B9D2: variants seen among roughly 807,000 people sequenced by gnomAD.
B9D2 encodes B9 domain-containing protein 2.
A neutral mutation model predicts 19.2 loss-of-function variants in B9D2; 21 were observed. That is an observed-to-expected ratio of 1.09 (90% CI 0.78 to 1.58). The LOEUF (loss-of-function observed/expected upper bound fraction) is 1.58. B9D2 is among the 40% of genes most tolerant of loss of function. The pLI is 0.00. For missense variants in B9D2, 221 were observed against 244.3 expected (o/e 0.90, Z 0.64); for synonymous variants, 91 against 100.6 (o/e 0.90, Z 0.57).
Position 41,362,971 on chromosome 19 carries a change from G to T in B9D2, c.88+461C>A. ...ATGAACAAAATTACTTTCCTGGGACGTGGCGGCTCACGTTTTTAATCCTAG... is the reference window on the plus strand; with the variant it reads ...ATGAACAAAATTACTTTCCTGGGACTTGGCGGCTCACGTTTTTAATCCTAG... On this transcript the variant is annotated intron_variant, in intron 2 of 3. Transcript: ENST00000243578. 9.3e-6 allele frequency: 2 copies of T among 215,670 alleles called. 1 individual carries two copies. Among genetic ancestry groups the T allele is most frequent in the Non-Finnish European group, 1.9e-5 (2 of 103,800 alleles). 13.4% of individuals were successfully genotyped at this position (215,670 alleles called of 1,614,324 possible). A position where few individuals can be genotyped will look rare whatever the true frequency, so the allele number is the denominator to read the frequency against.
chr19:41,360,187 G>A (rs1367314281), intron 2 of B9D2, among the ~76,000 whole-genome samples: 1 of 151,476 alleles, frequency 6.6e-6, no homozygotes, highest in Non-Finnish European at 1.5e-5. Flanking sequence ...TTTTGGGGGG[G>A]TGGGGGGAGA....
Position 41,358,019 on chromosome 19 carries a change from G to T in B9D2, c.92C>A (p.Ala31Glu), listed in dbSNP as rs751469905. Residue 31 changes from alanine to glutamate, a missense_variant, in exon 3 of 4, where the codon GCG becomes GAG. Transcript: ENST00000243578. ...LFCKWGIHTG[A>E]AWKLLSGVRE... ...CACGCCTGACAGGAGCTTCCATGCCGCCCCTGCAGTGAGAGCCGGGACATA... is the reference window on the plus strand; with the variant it reads ...CACGCCTGACAGGAGCTTCCATGCCTCCCCTGCAGTGAGAGCCGGGACATA... 2.2e-5 allele frequency: 36 copies of T among 1,614,060 alleles called. No individual in the cohort carries two copies. Among genetic ancestry groups the T allele is most frequent in the Non-Finnish European group, 3.0e-5 (35 of 1,179,992 alleles).
intron 3 of B9D2, among the ~76,000 whole-genome samples, chr19:41,357,657 CCCACCTTCCCA>C (rs1745775828): frequency 6.6e-6 from 1 of 151,820 alleles, no homozygotes; most frequent in Admixed American, 6.6e-5. Flanking sequence ...ACCCTGACCC[CCCACCTTCCCA>C]CCTCCTGCTC....
In B9D2 at chr19:41,354,816, C is replaced by T. The variant is rs1039729479; in HGVS notation, c.412G>A (p.Asp138Asn). 2 of 1,614,050 alleles carry T rather than the reference C, an allele frequency of 1.2e-6. No homozygotes were observed. The highest frequency in any genetic ancestry group is 1.7e-6 in the Non-Finnish European group (2 of 1,180,024). The change falls in exon 4 of 4, where the codon GAC becomes AAC. Residue 138 changes from aspartate to asparagine, a missense_variant. Physicochemically the swap from Asp to Asn is conservative, Grantham distance 23 (BLOSUM62 1). Coordinates refer to ENST00000243578, the MANE Select transcript of B9D2 (RefSeq NM_030578.4). The stretch of plus-strand genomic sequence containing the variant: ...CGGTCGGCCCCACTGTAGATGGTGT[C>T]CCCATGCAGCAGCTGCGGCCCACCA... Reference protein sequence around the residue: ...VGGGPQLLHGDTIYSGADRYR... With the variant: ...VGGGPQLLHGNTIYSGADRYR...
intron 2 of B9D2, among the ~76,000 whole-genome samples, chr19:41,358,341 C>G (rs771975086): frequency 1.9e-4 from 29 of 152,064 alleles, no homozygotes; most frequent in Non-Finnish European, 3.7e-4. Flanking sequence ...AAAGGAATTT[C>G]TATCTCACAG....
intron 2 of B9D2, among the ~76,000 whole-genome samples, chr19:41,362,110 G>A (rs1390956738): frequency 3.4e-5 from 5 of 146,564 alleles, no homozygotes; most frequent in Non-Finnish European, 6.0e-5. Context: ...AGGGCCAGGC[G>A]CAGTGGCTCA....
At position 41,358,014 on chromosome 19, in the gene B9D2, A is replaced by G. The variant is rs2038343826; in HGVS notation, c.97T>C (p.Trp33Arg). 1.2e-6 allele frequency: 2 copies of G among 1,613,944 alleles called. No homozygotes were observed. Among genetic ancestry groups the G allele is most frequent in the South Asian group, 1.1e-5 (1 of 91,084 alleles). Reference protein sequence around the residue: ...CKWGIHTGAAWKLLSGVREGQ... With the variant: ...CKWGIHTGAARKLLSGVREGQ... ...TCCCGCACGCCTGACAGGAGCTTCCATGCCGCCCCTGCAGTGAGAGCCGGG... is the reference window on the plus strand; with the variant it reads ...TCCCGCACGCCTGACAGGAGCTTCCGTGCCGCCCCTGCAGTGAGAGCCGGG... The change falls in exon 3 of 4, where the codon TGG becomes CGG. Residue 33 changes from tryptophan (W) to arginine (R), a missense_variant. Transcript: ENST00000243578.
chr19:41,363,065 C>G, intron 2 of B9D2: 1 of 277,046 alleles, frequency 3.6e-6, no homozygotes. Flanking sequence ...GGCAACATAG[C>G]GAGACCCTGT....
In B9D2 at chr19:41,357,852, GC is replaced by G. The variant is rs762649671; in HGVS notation, c.214+44del. 15 of 1,611,774 alleles carry G rather than the reference GC, an allele frequency of 9.3e-6. No homozygotes were observed. In the South Asian group the frequency reaches 9.9e-5, roughly 11 times the overall value. ...GCCCCAGGGACCTCAGAGGCTACTGGCCCCCTCCCCTCAGCCTGGACCCGGG... is the reference window on the plus strand; with the variant it reads ...GCCCCAGGGACCTCAGAGGCTACTGGCCCCTCCCCTCAGCCTGGACCCGGG... On this transcript the variant is annotated intron_variant, in intron 3 of 3. Transcript: ENST00000243578.
chr19:41,356,933 G>T (rs1357042942), intron 3 of B9D2, among the ~76,000 whole-genome samples: 4 of 151,764 alleles, frequency 2.6e-5, no homozygotes, highest in Non-Finnish European at 5.9e-5. Context: ...CAGCTCCTCA[G>T]CCTGGCACTC....
intron 2 of B9D2, chr19:41,363,143 G>A (rs1320097629): frequency 4.5e-6 from 2 of 447,098 alleles, no homozygotes; most frequent in Non-Finnish European, 8.3e-6. Flanking sequence ...CTTCTCAGGA[G>A]GCTGAGGCGG....
At chr19:41,363,771 G>A (rs1177746462) in intron 1 of B9D2, among the ~76,000 whole-genome samples, 187 bp downstream of exon 1, 2 of 152,198 alleles carry the variant, frequency 1.3e-5, no homozygotes, top group Non-Finnish European at 2.9e-5. Context: ...AACCTTTTCG[G>A]GTTCAGGTCG....
chr19:41,360,587 C>A (rs2038389351), intron 2 of B9D2, among the ~76,000 whole-genome samples: 1 of 152,126 alleles, frequency 6.6e-6, no homozygotes, highest in African/African-American at 2.4e-5. Context: ...CTCACTGCAA[C>A]CTCCGCCTCC....
chr19:41,361,579 G>A (rs2038403693), intron 2 of B9D2, among the ~76,000 whole-genome samples: 1 of 150,070 alleles, frequency 6.7e-6, no homozygotes, highest in East Asian at 2.0e-4. Context: ...CTTAAGGCCA[G>A]GAGTTCGAGA....
At chr19:41,355,406 G>T (rs945828938) in intron 3 of B9D2, among the ~76,000 whole-genome samples, 1 of 141,286 alleles carries the variant, frequency 7.1e-6, no homozygotes, top group African/African-American at 2.7e-5. Flanking sequence ...ACCATCATGG[G>T]CCTTGTCAGG....
Position 41,363,471 on chromosome 19 carries a change from A to G in B9D2, c.49T>C (p.Ser17Pro). ...IGQIIGASGF[S>P]ESSLFCKWGI... ...CACTTGCAGAAGAGGCTACTTTCCG[A>G]GAAACCGCTGGCCCCTATGATCTGC... The change falls in exon 2 of 4, where the codon TCG becomes CCG. Residue 17 changes from serine to proline, a missense_variant. Physicochemically the swap from Ser to Pro is moderately conservative, Grantham distance 74. Coordinates refer to ENST00000243578, the MANE Select transcript of B9D2 (RefSeq NM_030578.4). 1 of 1,614,176 alleles carries G rather than the reference A, an allele frequency of 6.2e-7. No individual in the cohort carries two copies. Among genetic ancestry groups the G allele is most frequent in the Non-Finnish European group, 8.5e-7 (1 of 1,180,022 alleles).
Position 41,354,964 on chromosome 19 carries a change from G to T in B9D2, c.264C>A (p.Arg88=). 6.2e-7 allele frequency: 1 copy of T among 1,611,302 alleles called. No homozygotes were observed. Among genetic ancestry groups the T allele is most frequent in the Non-Finnish European group, 8.5e-7 (1 of 1,178,622 alleles). The change falls in exon 4 of 4, where the codon CGC becomes CGA. Residue 88 remains arginine (R), a synonymous_variant. Coordinates refer to ENST00000243578, the MANE Select transcript of B9D2 (RefSeq NM_030578.4). ...AAAATCCATAGCCTGCAAGCTGGCA[G>T]CGGCCAAAGCTGTCCTGGGACCACA... ...FQVWSQDSFG[R]CQLAGYGFCH... is the part of the protein sequence containing the mutation.
chr19:41,363,117 G>A lies in B9D2; in HGVS notation c.88+315C>T, dbSNP rs1330602317. The A allele has an allele frequency of 1.6e-5, 6 of 382,850 alleles. No individual in the cohort carries two copies. The Admixed American group carries it at 2.0e-4, about 12-fold the overall frequency. The allele number at this position is 382,850 out of a possible 1,614,324, so 23.7% of individuals were successfully genotyped here. A position where few individuals can be genotyped will look rare whatever the true frequency, so the allele number is the denominator to read the frequency against. On this transcript the variant is annotated intron_variant, in intron 2 of 3. Coordinates refer to ENST00000243578, the MANE Select transcript of B9D2 (RefSeq NM_030578.4). ...AAAAATTAGCCAGATTTGGTGGTGC[G>A]TGTCTGTAGTCCCAGCTTCTCAGGA...
At chr19:41,360,180 T>TG (rs36030082) in intron 2 of B9D2, among the ~76,000 whole-genome samples, 3,842 of 140,988 alleles carry the variant, frequency 0.027, 75 homozygotes, top group Non-Finnish European at 0.04. Context: ...TTTCTTTTTT[T>TG]GGGGGGGTGG....
Sources: gnomAD v4.1 joint callset for allele counts (sites outside exome capture counted in the v4.1 genomes callset) on GRCh38, gnomAD v4.1.1 for gene constraint, MANE v1.5 for transcripts, NCBI Gene and HGNC (gene_info 2026-07-23, HGNC 2026-07-21) for gene names.